CDK14: variants seen among roughly 807,000 people sequenced by gnomAD.
CDK14 encodes the protein cyclin dependent kinase 14.
A neutral mutation model predicts 60.7 loss-of-function variants in CDK14; 34 were observed. The observed-to-expected ratio is 0.56, with a 90% CI of 0.43 to 0.75. The LOEUF is 0.75. Ranked by LOEUF, CDK14 falls within the 30% of genes least tolerant of loss-of-function variation. CDK14 has a pLI of 0.00. For synonymous variants in CDK14, 197 were observed against 203.7 expected (o/e 0.97, Z 0.28); for missense variants, 482 against 564.1 (o/e 0.85, Z 1.47).
At chr7:91,166,538 T>C (rs1315237528) in intron 14 of CDK14, among the ~76,000 whole-genome samples, 1 of 152,240 alleles carries the variant, frequency 6.6e-6, no homozygotes, top group East Asian at 1.9e-4. Flanking sequence ...ATTATTTATA[T>C]TATTCGTATT....
chr7:91,110,060 G>A (rs149843795), intron 12 of CDK14, among the ~76,000 whole-genome samples: 26 of 152,104 alleles, frequency 1.7e-4, no homozygotes, highest in African/African-American at 5.5e-4. Context: ...TAATGTACAC[G>A]TATGACTTCA....
chr7:90,609,493 G>A (rs1799492851), intron 2 of CDK14, among the ~76,000 whole-genome samples: 1 of 152,146 alleles, frequency 6.6e-6, no homozygotes, highest in Non-Finnish European at 1.5e-5. Context: ...TGGTGATAGT[G>A]AGGGAATTCT....
chr7:91,108,299 T>C (rs1307030158), intron 12 of CDK14, among the ~76,000 whole-genome samples: 7 of 152,168 alleles, frequency 4.6e-5, no homozygotes, highest in African/African-American at 1.7e-4. Context: ...AGAGTGAGAC[T>C]CTGTCTCAAA....
intron 2 of CDK14, among the ~76,000 whole-genome samples, chr7:90,720,712 T>G (rs1231247980): frequency 1.3e-5 from 2 of 152,186 alleles, no homozygotes; most frequent in African/African-American, 4.8e-5. Context: ...TTATTATTTC[T>G]CTATTCTTTT....
intron 14 of CDK14, among the ~76,000 whole-genome samples, chr7:91,205,244 A>G (rs1398159339): frequency 6.6e-6 from 1 of 152,226 alleles, no homozygotes; most frequent in Non-Finnish European, 1.5e-5. Flanking sequence ...ATGAATATTC[A>G]GAGCAGCACT....
At chr7:91,009,761 C>T (rs888265778) in intron 10 of CDK14, among the ~76,000 whole-genome samples, 1 of 152,004 alleles carries the variant, frequency 6.6e-6, no homozygotes, top group African/African-American at 2.4e-5. Flanking sequence ...TAAATATTTT[C>T]TCTCAGTCTC....
chr7:91,132,455 TGCTGAA>T (rs1800148338), intron 14 of CDK14, among the ~76,000 whole-genome samples: 1 of 152,124 alleles, frequency 6.6e-6, no homozygotes, highest in Admixed American at 6.6e-5. Flanking sequence ...TTGAATGACA[TGCTGAA>T]GAGTTTGGAT....
At chr7:90,950,221 C>T (rs1457044191) in intron 8 of CDK14, among the ~76,000 whole-genome samples, 3 of 152,056 alleles carry the variant, frequency 2.0e-5, no homozygotes, top group African/African-American at 4.8e-5. Context: ...GGATTACAGG[C>T]GCGTGCCACC....
chr7:90,667,718 T>G (rs931850092), intron 2 of CDK14, among the ~76,000 whole-genome samples: 1 of 151,952 alleles, frequency 6.6e-6, no homozygotes, highest in Non-Finnish European at 1.5e-5. Context: ...TATAGGCGCC[T>G]GCCACCACGC....
At chr7:91,093,565 C>A (rs1304159379) in intron 12 of CDK14, among the ~76,000 whole-genome samples, 1 of 152,090 alleles carries the variant, frequency 6.6e-6, no homozygotes, top group Non-Finnish European at 1.5e-5. Context: ...TCTCAAGGTA[C>A]TTAAAAGAAT....
At chr7:91,172,292 C>T (rs577776673) in intron 14 of CDK14, among the ~76,000 whole-genome samples, 2 of 152,156 alleles carry the variant, frequency 1.3e-5, no homozygotes, top group Non-Finnish European at 2.9e-5. Flanking sequence ...CCATGACTTG[C>T]CGCATCTTTT....
chr7:90,777,016 TAA>T (rs11370384), intron 4 of CDK14, among the ~76,000 whole-genome samples: 64,698 of 147,804 alleles, frequency 0.44, 14,544 homozygotes, highest in East Asian at 0.82. Flanking sequence ...CGAAGTTAGT[TAA>T]AAAAAAAAAA....
rs201316629 is a variant in CDK14 at position 90,635,808 on chromosome 7, A to C, written c.123+31559A>C. On this transcript the variant is annotated intron_variant, in intron 2 of 14. Transcript: ENST00000380050. ...ATTTGTTTGTATCCTCTTTTATTTC[A>C]TTGAGCAGTGGTTTGTAGTTCTCCT... Among the ~76,000 whole-genome samples, 129 of 151,806 alleles carry C rather than the reference A, an allele frequency of 8.5e-4. 1 individual carries two copies. Among genetic ancestry groups the C allele is most frequent in the African/African-American group, 2.4e-3 (100 of 41,368 alleles).
intron 2 of CDK14, among the ~76,000 whole-genome samples, chr7:90,693,607 A>G (rs1801598627): frequency 1.3e-5 from 2 of 152,156 alleles, no homozygotes; most frequent in Admixed American, 1.3e-4. Flanking sequence ...CTACCGAGTA[A>G]CTGTGCTGTG....
chr7:90,824,007 C>T (rs1789636326), intron 5 of CDK14, among the ~76,000 whole-genome samples: 1 of 152,090 alleles, frequency 6.6e-6, no homozygotes, highest in Non-Finnish European at 1.5e-5. Context: ...ATTTTATGGC[C>T]ATATGTTGGT....
intron 5 of CDK14, among the ~76,000 whole-genome samples, chr7:90,861,418 A>G (rs1391246180): frequency 6.6e-6 from 1 of 152,212 alleles, no homozygotes; most frequent in Non-Finnish European, 1.5e-5. Context: ...GGGGAAGCTG[A>G]TAGAGGCTTA....
At chr7:90,924,990 T>G (rs1793371831) in intron 8 of CDK14, among the ~76,000 whole-genome samples, 1 of 152,160 alleles carries the variant, frequency 6.6e-6, no homozygotes, top group Non-Finnish European at 1.5e-5. Context: ...AAAAACCAAT[T>G]AAGAACTAAT....
At chr7:90,641,585 A>T (rs1305057515) in intron 2 of CDK14, among the ~76,000 whole-genome samples, 1 of 152,024 alleles carries the variant, frequency 6.6e-6, no homozygotes, top group Non-Finnish European at 1.5e-5. Context: ...ATCTATAGAG[A>T]CAGAAAGTAG....
At chr7:90,923,202 C>T (rs574347925) in intron 8 of CDK14, among the ~76,000 whole-genome samples, 14 of 151,518 alleles carry the variant, frequency 9.2e-5, no homozygotes, top group East Asian at 3.9e-4. Flanking sequence ...CTCCGCCTCC[C>T]GGGTTCACGC....
Sources: gnomAD v4.1 joint callset for allele counts (sites outside exome capture counted in the v4.1 genomes callset) on GRCh38, gnomAD v4.1.1 for gene constraint, MANE v1.5 for transcripts, NCBI Gene and HGNC (gene_info 2026-07-23, HGNC 2026-07-21) for gene names.